The following PSPC1 variants were observed in gnomAD, a reference collection of about 807,000 sequenced individuals.
PSPC1 encodes paraspeckle protein 1.
A neutral mutation model predicts 51.6 loss-of-function variants in PSPC1; 14 were observed. The ratio of observed to expected loss-of-function variants is 0.27; its 90% CI spans 0.18 to 0.42. The LOEUF (loss-of-function observed/expected upper bound fraction) is 0.42, where lower values mean the gene tolerates loss of function less well. Ranked by LOEUF, PSPC1 falls within the 10% of genes least tolerant of loss-of-function variation. The pLI is 1.00. For missense variants in PSPC1, 406 were observed against 701.1 expected, an observed-to-expected ratio of 0.58 and a Z score of 4.75; for synonymous variants, 193 against 231.9, an observed-to-expected ratio of 0.83 and a Z score of 1.53.
intron 3 of PSPC1, among the ~76,000 whole-genome samples, chr13:19,754,974 T>A (rs1333323512): frequency 6.6e-6 from 1 of 152,146 alleles, no homozygotes; most frequent in Non-Finnish European, 1.5e-5. Flanking sequence ...GCCTCACACC[T>A]GTAAACCCAA....
intron 5 of PSPC1, among the ~76,000 whole-genome samples, chr13:19,732,588 C>A (rs1412394850): frequency 1.3e-5 from 2 of 152,082 alleles, no homozygotes; most frequent in African/African-American, 4.8e-5. Flanking sequence ...TCAACTTTTG[C>A]CATCAAATGG....
chr13:19,672,079 T>C, downstream of PSPC1: 1 of 571,900 alleles, frequency 1.7e-6, no homozygotes, highest in Middle Eastern at 3.8e-4. Flanking sequence ...GTGTCCAGAC[T>C]GCGTATTTCA....
chr13:19,744,958 A>G (rs1377184651), intron 4 of PSPC1, among the ~76,000 whole-genome samples: 1 of 152,194 alleles, frequency 6.6e-6, no homozygotes, highest in Non-Finnish European at 1.5e-5. Flanking sequence ...GGCATCATCT[A>G]CCGTATTACT....
intron 1 of PSPC1, among the ~76,000 whole-genome samples, chr13:19,776,088 A>G (rs1889091693): frequency 6.6e-6 from 1 of 152,020 alleles, no homozygotes; most frequent in Admixed American, 6.6e-5. Context: ...AGGAAGAAAT[A>G]TGAAGACATT....
chr13:19,701,692 T>C (rs538683496), downstream of PSPC1, among the ~76,000 whole-genome samples: 1 of 152,344 alleles, frequency 6.6e-6, no homozygotes, highest in South Asian at 2.1e-4. Flanking sequence ...ATTGTTTCTT[T>C]CCAAACTACA....
At position 19,768,515 on chromosome 13, in the gene PSPC1, G is replaced by C. The variant is rs1252215748; in HGVS notation, c.674+3727C>G. Among the ~76,000 whole-genome samples the C allele has an allele frequency of 2.7e-5, 4 of 150,900 alleles. No homozygotes were observed. In the South Asian group the frequency reaches 8.3e-4, roughly 31 times the overall value. The stretch of plus-strand genomic sequence containing the variant: ...CAAAAAAAATTAGCCGGACATGGTG[G>C]CTGGCGCCTGTAGTCTCAGCTACTC... On this transcript the variant is annotated intron_variant, in intron 2 of 8. Coordinates refer to ENST00000338910, the MANE Select transcript of PSPC1 (RefSeq NM_001354909.2).
intron 6 of PSPC1, among the ~76,000 whole-genome samples, chr13:19,718,923 A>C (rs1188514155): frequency 3.9e-5 from 6 of 152,266 alleles, no homozygotes; most frequent in Admixed American, 6.5e-5. Flanking sequence ...GGAAAAAACT[A>C]AACTATGGAG....
downstream of PSPC1, among the ~76,000 whole-genome samples, chr13:19,702,001 T>G (rs1264539871): frequency 1.3e-5 from 2 of 152,194 alleles, no homozygotes; most frequent in African/African-American, 2.4e-5. Context: ...AAAATCAAAA[T>G]AGGTATTTGA....
chr13:19,671,813 T>C, downstream of PSPC1: 1 of 1,613,384 alleles, frequency 6.2e-7, no homozygotes, highest in Non-Finnish European at 8.5e-7. Context: ...TACTGACACC[T>C]GCGTTCTTTT....
chr13:19,741,988 T>C (rs1046808729), intron 4 of PSPC1, among the ~76,000 whole-genome samples: 3 of 151,680 alleles, frequency 2.0e-5, no homozygotes, highest in African/African-American at 4.8e-5. Context: ...AAAAATTAGC[T>C]GGGCATGGTG....
chr13:19,706,371 C>A (rs1880666107), intron 7 of PSPC1, among the ~76,000 whole-genome samples: 2 of 151,090 alleles, frequency 1.3e-5, no homozygotes, highest in South Asian at 2.1e-4. Context: ...GAATACCTTG[C>A]TAAATTACAT....
chr13:19,736,384 T>TA (rs1168556318), intron 5 of PSPC1, among the ~76,000 whole-genome samples: 2 of 151,816 alleles, frequency 1.3e-5, no homozygotes, highest in Non-Finnish European at 2.9e-5. Flanking sequence ...AATCACGCAA[T>TA]AAAAAATTAC....
At chr13:19,727,960 T>C (rs773145476) in intron 6 of PSPC1, among the ~76,000 whole-genome samples, 3 of 152,178 alleles carry the variant, frequency 2.0e-5, no homozygotes, top group Non-Finnish European at 2.9e-5. Flanking sequence ...GAGTAAAAAA[T>C]GTTGTTTAAT....
intron 5 of PSPC1, among the ~76,000 whole-genome samples, chr13:19,733,336 C>T (rs1884360064): frequency 6.6e-6 from 1 of 152,132 alleles, no homozygotes; most frequent in South Asian, 2.1e-4. Flanking sequence ...CTTTTAAAAA[C>T]CATTTTTATG....
chr13:19,761,092 CTA>C (rs1253952862), intron 2 of PSPC1, among the ~76,000 whole-genome samples: 5 of 151,880 alleles, frequency 3.3e-5, no homozygotes, highest in Non-Finnish European at 7.4e-5. Context: ...CTGCAGTGAG[CTA>C]TGATAGAGCC....
chr13:19,715,730 A>T, intron 6 of PSPC1, among the ~76,000 whole-genome samples: 1 of 151,922 alleles, frequency 6.6e-6, no homozygotes, highest in Non-Finnish European at 1.5e-5. Flanking sequence ...ACTGTCTCTT[A>T]AAAAAAATTT....
intron 6 of PSPC1, among the ~76,000 whole-genome samples, chr13:19,722,677 C>G (rs1024118401): frequency 1.3e-5 from 2 of 151,732 alleles, no homozygotes; most frequent in South Asian, 2.1e-4. Context: ...GCCTGTCATC[C>G]CAGCTACTCG....
intron 2 of PSPC1, among the ~76,000 whole-genome samples, chr13:19,762,339 C>T (rs1404384136): frequency 6.6e-6 from 1 of 151,906 alleles, no homozygotes; most frequent in African/African-American, 2.4e-5. Flanking sequence ...GCGTGGATCA[C>T]GAGGTCAGGA....
intron 5 of PSPC1, among the ~76,000 whole-genome samples, chr13:19,730,969 A>AAAAG (rs1555236511): frequency 1.4e-5 from 2 of 146,608 alleles, no homozygotes; most frequent in African/African-American, 5.0e-5. Context: ...AAAAAACAAA[A>AAAAG]AAAAAAAAAA....
Sources: allele counts gnomAD v4.1 joint callset (sites outside exome capture counted in the v4.1 genomes callset), GRCh38; gene constraint gnomAD v4.1.1; transcripts MANE v1.5; gene names NCBI Gene and HGNC (gene_info 2026-07-23, HGNC 2026-07-21).